Variants in COP1 observed in about 807,000 individuals in gnomAD.
COP1 encodes COP1 E3 ubiquitin ligase.
COP1 carries 24 observed loss-of-function variants against 101.3 expected under a neutral mutation model. That is an observed-to-expected ratio of 0.24 (90% confidence interval 0.17 to 0.33). The LOEUF (loss-of-function observed/expected upper bound fraction) is 0.33. Among genes scored for constraint, COP1 ranks in the 10% least tolerant of loss-of-function variants. The pLI, the probability that COP1 is intolerant of heterozygous loss-of-function variation, is 1.00. For synonymous variants in COP1, 347 were observed against 341.9 expected (o/e 1.01, Z -0.17); for missense variants, 663 against 906.2 (o/e 0.73, Z 3.45).
At chr1:176,181,918 T>C (rs541326108) in intron 2 of COP1, among the ~76,000 whole-genome samples, 1 of 152,180 alleles carries the variant, frequency 6.6e-6, no homozygotes, top group Non-Finnish European at 1.5e-5. Flanking sequence ...AATTGTATTA[T>C]AATAAGGATC....
At chr1:176,112,709 C>T (rs59373738) in intron 9 of COP1, among the ~76,000 whole-genome samples, 8,079 of 152,216 alleles carry the variant, frequency 0.053, 461 homozygotes, top group Middle Eastern at 0.14. Flanking sequence ...CTCCATTCCC[C>T]CTCCTTGCCT....
chr1:175,962,048 T>C (rs1651438852), intron 18 of COP1, among the ~76,000 whole-genome samples: 1 of 152,186 alleles, frequency 6.6e-6, no homozygotes, highest in African/African-American at 2.4e-5. Flanking sequence ...TAAGATTAAT[T>C]TATCTGTGAA....
intron 12 of COP1, 28 bp from the exon 13 acceptor site, chr1:176,043,846 T>C (rs1205696139): frequency 3.9e-6 from 5 of 1,275,916 alleles, no homozygotes; most frequent in Admixed American, 1.8e-5. Context: ...AAAAGTTACT[T>C]TACATAAAAA....
intron 8 of COP1, among the ~76,000 whole-genome samples, chr1:176,122,018 T>C (rs1182165190): frequency 6.6e-6 from 1 of 151,752 alleles, no homozygotes; most frequent in Non-Finnish European, 1.5e-5. Flanking sequence ...CGGGCGCCTG[T>C]AGTCCCAGCT....
chr1:176,180,465 A>G (rs1697593006), intron 2 of COP1, among the ~76,000 whole-genome samples: 1 of 152,218 alleles, frequency 6.6e-6, no homozygotes, highest in Non-Finnish European at 1.5e-5. Context: ...TGGGCATAAC[A>G]AAGAGGTAAA....
intron 18 of COP1, among the ~76,000 whole-genome samples, chr1:175,965,578 GTTTTGTT>G (rs1651911884): frequency 1.6e-5 from 1 of 61,648 alleles, no homozygotes; most frequent in South Asian, 8.9e-4. Context: ...TTTTTTTTTT[GTTTTGTT>G]TTTGTTTGTT....
At chr1:176,094,218 C>T (rs1022615190) in intron 9 of COP1, among the ~76,000 whole-genome samples, 1 of 151,992 alleles carries the variant, frequency 6.6e-6, no homozygotes, top group Non-Finnish European at 1.5e-5. Flanking sequence ...CAATTATTTT[C>T]CTGTATTTAT....
chr1:176,148,387 G>A (rs1309345058), intron 6 of COP1, among the ~76,000 whole-genome samples: 26 of 145,408 alleles, frequency 1.8e-4, no homozygotes, highest in Admixed American at 1.5e-3. Context: ...CAGCCAGTTA[G>A]AAATTTAAAA....
intron 12 of COP1, among the ~76,000 whole-genome samples, chr1:176,045,202 A>C (rs543716271): frequency 6.6e-6 from 1 of 152,134 alleles, no homozygotes; most frequent in East Asian, 1.9e-4. Context: ...TCTGCTAAAG[A>C]CCAAGCACTT....
At chr1:175,955,533 A>G (rs949367288) in intron 18 of COP1, among the ~76,000 whole-genome samples, 1 of 152,136 alleles carries the variant, frequency 6.6e-6, no homozygotes, top group African/African-American at 2.4e-5. Context: ...GGATCTGAAA[A>G]AAGAAAACTG....
intron 11 of COP1, among the ~76,000 whole-genome samples, chr1:176,059,589 T>G (rs998468858): frequency 6.6e-6 from 1 of 152,014 alleles, no homozygotes; most frequent in Non-Finnish European, 1.5e-5. Flanking sequence ...TTCAAGTGAT[T>G]CTCCTGCCTC....
chr1:176,121,831 T>C (rs906610591), intron 8 of COP1, among the ~76,000 whole-genome samples: 1 of 152,122 alleles, frequency 6.6e-6, no homozygotes, highest in Non-Finnish European at 1.5e-5. Context: ...TAGCAATATG[T>C]AGATTTTTGG....
At chr1:175,960,315 G>T (rs1651183486) in intron 18 of COP1, among the ~76,000 whole-genome samples, 1 of 152,184 alleles carries the variant, frequency 6.6e-6, no homozygotes, top group South Asian at 2.1e-4. Context: ...TGACCTCTCT[G>T]AATCTCAGTC....
chr1:176,193,753 T>A (rs992318748), intron 1 of COP1, among the ~76,000 whole-genome samples: 4 of 152,052 alleles, frequency 2.6e-5, no homozygotes, highest in Non-Finnish European at 1.5e-5. Flanking sequence ...CTGGAATAGG[T>A]AAATTCACAG....
chr1:176,049,802 G>A (rs571195192), intron 11 of COP1, among the ~76,000 whole-genome samples: 18 of 152,124 alleles, frequency 1.2e-4, no homozygotes, highest in Non-Finnish European at 2.1e-4. Context: ...CAAAACAGAT[G>A]ACCTCTTATA....
At chr1:176,162,684 T>C (rs561503253) in intron 5 of COP1, among the ~76,000 whole-genome samples, 185 bp downstream of exon 5, 4 of 152,366 alleles carry the variant, frequency 2.6e-5, no homozygotes, top group Admixed American at 6.5e-5. Context: ...TTATAATGTA[T>C]TGAAATTGTT....
intron 18 of COP1, among the ~76,000 whole-genome samples, chr1:175,966,030 A>G (rs1029552626): frequency 2.0e-5 from 3 of 152,156 alleles, no homozygotes; most frequent in African/African-American, 7.2e-5. Context: ...TATCATCTTC[A>G]AAGGTTTTTA....
At chr1:176,058,665 T>G (rs1674272762) in intron 11 of COP1, among the ~76,000 whole-genome samples, 1 of 151,884 alleles carries the variant, frequency 6.6e-6, no homozygotes, top group Admixed American at 6.6e-5. Context: ...GAGACCTTTG[T>G]TCACTTGTTT....
intron 1 of COP1, among the ~76,000 whole-genome samples, chr1:176,186,770 G>A (rs1698500998): frequency 6.6e-6 from 1 of 152,190 alleles, no homozygotes. Flanking sequence ...GTGAGAAACA[G>A]TGTTGAAACG....
Sources: gnomAD v4.1 joint callset for allele counts (sites outside exome capture counted in the v4.1 genomes callset) on GRCh38, gnomAD v4.1.1 for gene constraint, MANE v1.5 for transcripts, NCBI Gene and HGNC (gene_info 2026-07-23, HGNC 2026-07-21) for gene names.